The following ADAM12 variants were observed in gnomAD, a reference collection of about 807,000 sequenced individuals.
The protein encoded by ADAM12 is disintegrin and metalloproteinase domain-containing protein 12.
Under a neutral mutation model 106.4 loss-of-function variants are expected in ADAM12, and 70 were observed. The ratio of observed to expected loss-of-function variants is 0.66; its 90% CI spans 0.54 to 0.80. ADAM12 has a LOEUF of 0.80. ADAM12 is among the 30% of genes least tolerant of loss of function. The probability of loss-of-function intolerance (pLI) is 0.00; values close to 1 mark genes in which losing one functional copy is unlikely to be tolerated. For synonymous variants in ADAM12, 420 were observed against 433.5 expected, an observed-to-expected ratio of 0.97 and a Z score of 0.39; for missense variants, 1,010 against 1,171.9, an observed-to-expected ratio of 0.86 and a Z score of 2.02.
At chr10:126,148,853 C>T (rs935197879) in intron 4 of ADAM12, among the ~76,000 whole-genome samples, 5 of 22,854 alleles carry the variant, frequency 2.2e-4, no homozygotes, top group African/African-American at 9.7e-4. Context: ...CGACCTCTTT[C>T]CCCTTCTTCC....
chr10:126,179,277 G>A lies in ADAM12; in HGVS notation c.261-23972C>T, dbSNP rs529782233. On this transcript the variant is annotated intron_variant, in intron 3 of 22. Coordinates refer to ENST00000448723, the MANE Select transcript of ADAM12 (RefSeq NM_001288973.2). ...CACCTCTGTAGTTAGCATTAGAGCCGCTGCAGGTAACTGTGCTTTCAGTCT... is the reference window on the plus strand; with the variant it reads ...CACCTCTGTAGTTAGCATTAGAGCCACTGCAGGTAACTGTGCTTTCAGTCT... Among the ~76,000 whole-genome samples, 108 of 152,268 alleles carry A rather than the reference G, an allele frequency of 7.1e-4. 1 individual carries two copies. Among genetic ancestry groups the A allele is most frequent in the Middle Eastern group, 3.4e-3 (1 of 294 alleles).
intron 14 of ADAM12, among the ~76,000 whole-genome samples, chr10:126,050,753 T>C (rs190309121): frequency 1.3e-4 from 20 of 152,348 alleles, no homozygotes; most frequent in Admixed American, 1.2e-3. Context: ...CTAGCAGACA[T>C]GATCATCTCA....
intron 3 of ADAM12, among the ~76,000 whole-genome samples, chr10:126,239,355 T>G (rs1958479189): frequency 6.6e-6 from 1 of 152,234 alleles, no homozygotes; most frequent in South Asian, 2.1e-4. Flanking sequence ...AAGGCATGTG[T>G]GGATAAAGCC....
In ADAM12 at chr10:126,358,127, C is replaced by T. The variant is rs546544477; in HGVS notation, c.89-27618G>A. ...CCGGGGGGTGGAACCTGCAGTGAGCCGAGATCGCGCCACTGCACTCCAGCC... is the reference window on the plus strand; with the variant it reads ...CCGGGGGGTGGAACCTGCAGTGAGCTGAGATCGCGCCACTGCACTCCAGCC... On this transcript the variant is annotated intron_variant, in intron 1 of 22. Coordinates refer to ENST00000448723, the MANE Select transcript of ADAM12 (RefSeq NM_001288973.2). Among the ~76,000 whole-genome samples the T allele has an allele frequency of 1.4e-4, 21 of 148,868 alleles. No individual in the cohort carries two copies. In the South Asian group the frequency reaches 2.3e-3, roughly 17 times the overall value.
At chr10:126,233,447 C>A (rs1204397403) in intron 3 of ADAM12, among the ~76,000 whole-genome samples, 3 of 152,254 alleles carry the variant, frequency 2.0e-5, no homozygotes, top group East Asian at 1.9e-4. Flanking sequence ...GGATAAGAAC[C>A]AGCGGGGACC....
At chr10:126,183,097 T>A (rs1957343637) in intron 3 of ADAM12, among the ~76,000 whole-genome samples, 1 of 152,154 alleles carries the variant, frequency 6.6e-6, no homozygotes, top group Non-Finnish European at 1.5e-5. Context: ...GGGATCTAGG[T>A]TGCATGTTCC....
intron 3 of ADAM12, among the ~76,000 whole-genome samples, chr10:126,167,138 C>G (rs557063672): frequency 3.3e-5 from 5 of 152,314 alleles, no homozygotes; most frequent in African/African-American, 1.2e-4. Flanking sequence ...CACTAACGTT[C>G]ATTTGAGCTC....
intron 18 of ADAM12, 57 bp from the exon 19 acceptor site, chr10:126,039,486 G>T: frequency 6.2e-7 from 1 of 1,604,806 alleles, no homozygotes; most frequent in East Asian, 2.2e-5. Context: ...AATATGGGAG[G>T]TATCAAGTTG....
chr10:126,180,168 A>T (rs1957287819), intron 3 of ADAM12, among the ~76,000 whole-genome samples: 1 of 152,220 alleles, frequency 6.6e-6, no homozygotes, highest in Non-Finnish European at 1.5e-5. Flanking sequence ...AACCCCAGGT[A>T]CTATTAATAT....
chr10:126,132,527 C>T lies in ADAM12; in HGVS notation c.416+3057G>A, dbSNP rs201129197. Among the ~76,000 whole-genome samples the T allele has an allele frequency of 1.3e-4, 16 of 119,630 alleles. 1 individual carries two copies. In the South Asian group the frequency reaches 2.1e-3, roughly 16 times the overall value. The allele number at this position is 119,630 out of a possible 152,430, so 78.5% of individuals were successfully genotyped here. On this transcript the variant is annotated intron_variant, in intron 5 of 22. Transcript: ENST00000448723. ...ATCCCAGGAGTGCTGCATGAACACC[C>T]CCCCCCCCTCAACTAGTCCAGTCCC...
At chr10:126,146,279 A>AG (rs1956626446) in intron 4 of ADAM12, among the ~76,000 whole-genome samples, 1 of 152,172 alleles carries the variant, frequency 6.6e-6, no homozygotes, top group African/African-American at 2.4e-5. Flanking sequence ...GCAGCCTGTG[A>AG]GGGAGAGGCA....
intron 3 of ADAM12, among the ~76,000 whole-genome samples, chr10:126,179,741 G>T (rs1367223544): frequency 6.6e-6 from 1 of 152,156 alleles, no homozygotes; most frequent in East Asian, 1.9e-4. Flanking sequence ...TTCTGGTCTC[G>T]TGTGGGTGAT....
intron 3 of ADAM12, among the ~76,000 whole-genome samples, chr10:126,200,013 G>A (rs970980814): frequency 6.6e-6 from 1 of 152,166 alleles, no homozygotes; most frequent in Non-Finnish European, 1.5e-5. Context: ...ATCAACAGAA[G>A]GAAGGACAGT....
intron 3 of ADAM12, among the ~76,000 whole-genome samples, chr10:126,274,584 C>T (rs908563129): frequency 1.1e-4 from 16 of 152,158 alleles, no homozygotes; most frequent in Admixed American, 6.5e-5. Context: ...CAGATTTTGC[C>T]GTGCCAAGCA....
intron 18 of ADAM12, among the ~76,000 whole-genome samples, chr10:126,040,084 A>G (rs1590321030): frequency 6.6e-6 from 1 of 152,312 alleles, no homozygotes; most frequent in South Asian, 2.1e-4. Context: ...CTTCTTTTCT[A>G]TGACCTGCTG....
chr10:126,077,352 G>A (rs1955122367), intron 11 of ADAM12, among the ~76,000 whole-genome samples: 1 of 151,994 alleles, frequency 6.6e-6, no homozygotes, highest in Non-Finnish European at 1.5e-5. Context: ...AGATTACAAT[G>A]TAAATAACAA....
At chr10:126,101,640 A>T (rs1202577930) in intron 8 of ADAM12, among the ~76,000 whole-genome samples, 1 of 152,256 alleles carries the variant, frequency 6.6e-6, no homozygotes, top group Non-Finnish European at 1.5e-5. Context: ...CACTTCTGCC[A>T]AGGACAATAA....
At chr10:126,088,474 G>A (rs1955399578) in intron 11 of ADAM12, among the ~76,000 whole-genome samples, 1 of 151,904 alleles carries the variant, frequency 6.6e-6, no homozygotes, top group Non-Finnish European at 1.5e-5. Flanking sequence ...GCTGAGGCAG[G>A]CGGATCACTT....
rs947668547 is a variant in ADAM12 at position 126,014,559 on chromosome 10, A to T, written c.*2720T>A. ...CTGTGAAATGTAACCTCCTGTGTGTATTTCCACAATGGAGAATGTTAGGCT... is the reference window on the plus strand; with the variant it reads ...CTGTGAAATGTAACCTCCTGTGTGTTTTTCCACAATGGAGAATGTTAGGCT... On this transcript the variant is annotated 3_prime_UTR_variant, in exon 23 of 23. Coordinates refer to ENST00000448723, the MANE Select transcript of ADAM12 (RefSeq NM_001288973.2). 4 of 151,828 alleles carry T rather than the reference A, an allele frequency of 2.6e-5. No individual in the cohort carries two copies. The highest frequency in any genetic ancestry group is 9.7e-5 in the African/African-American group (4 of 41,304). The allele number at this position is 151,828 out of a possible 1,614,324, so 9.4% of individuals were successfully genotyped here.
Sources: gnomAD v4.1 joint callset for allele counts (sites outside exome capture counted in the v4.1 genomes callset) on GRCh38, gnomAD v4.1.1 for gene constraint, MANE v1.5 for transcripts, NCBI Gene and HGNC (gene_info 2026-07-23, HGNC 2026-07-21) for gene names.